Variants in RBMS3 observed in about 807,000 individuals in gnomAD.
RBMS3 encodes the protein RNA binding motif single stranded interacting protein 3.
RBMS3 carries 27 observed loss-of-function variants against 66.8 expected under a neutral mutation model. The observed-to-expected ratio is 0.40, with a 90% CI of 0.30 to 0.56. The LOEUF (loss-of-function observed/expected upper bound fraction) is 0.56, where lower values mean the gene tolerates loss of function less well. Among genes scored for constraint, RBMS3 ranks in the 20% least tolerant of loss-of-function variants. The probability of loss-of-function intolerance (pLI) is 0.40; values close to 1 mark genes in which losing one functional copy is unlikely to be tolerated. For synonymous variants in RBMS3, 188 were observed against 183.0 expected, an observed-to-expected ratio of 1.03 and a Z score of -0.22; for missense variants, 513 against 549.5, an observed-to-expected ratio of 0.93 and a Z score of 0.66.
chr3:29,631,141 T>G (rs1283223598), intron 4 of RBMS3, among the ~76,000 whole-genome samples: 1 of 151,982 alleles, frequency 6.6e-6, no homozygotes, highest in Non-Finnish European at 1.5e-5. Context: ...TTCTCCTAAT[T>G]GCATTATAAC....
chr3:29,741,317 A>G (rs79189016), intron 5 of RBMS3, among the ~76,000 whole-genome samples: 5,071 of 152,310 alleles, frequency 0.033, 108 homozygotes, highest in Non-Finnish European at 0.05. Context: ...TCAGGCTTTC[A>G]GGACATTGAC....
intron 10 of RBMS3, among the ~76,000 whole-genome samples, chr3:29,906,207 AG>A (rs1051594348): frequency 1.3e-5 from 2 of 151,982 alleles, no homozygotes; most frequent in Non-Finnish European, 2.9e-5. Context: ...TATATGTTTT[AG>A]TTTTTTGCTG....
At chr3:29,738,341 T>G (rs559831990) in intron 4 of RBMS3, among the ~76,000 whole-genome samples, 1 of 152,328 alleles carries the variant, frequency 6.6e-6, no homozygotes, top group South Asian at 2.1e-4. Context: ...AGCTAAGGTT[T>G]TTGTTTAGTT....
chr3:29,374,725 A>T (rs1447662531), intron 1 of RBMS3, among the ~76,000 whole-genome samples: 1 of 152,196 alleles, frequency 6.6e-6, no homozygotes, highest in Non-Finnish European at 1.5e-5. Context: ...ATTCATTGGG[A>T]TGTAACCTAA....
At chr3:29,380,009 A>G (rs1313840951) in intron 1 of RBMS3, among the ~76,000 whole-genome samples, 1 of 152,324 alleles carries the variant, frequency 6.6e-6, no homozygotes, top group Non-Finnish European at 1.5e-5. Flanking sequence ...TTTGCTTTGC[A>G]GAAACCTAGA....
chr3:29,813,813 T>C (rs920070410), intron 6 of RBMS3, among the ~76,000 whole-genome samples: 3 of 152,158 alleles, frequency 2.0e-5, no homozygotes, highest in Non-Finnish European at 2.9e-5. Flanking sequence ...ATGCTTGTGA[T>C]TTTTGTACAT....
intron 4 of RBMS3, among the ~76,000 whole-genome samples, chr3:29,608,540 A>G (rs1256343159): frequency 6.6e-6 from 1 of 152,038 alleles, no homozygotes; most frequent in Non-Finnish European, 1.5e-5. Flanking sequence ...CTGATAGTCT[A>G]TTATTTAGAT....
intron 7 of RBMS3, among the ~76,000 whole-genome samples, chr3:29,878,970 C>T (rs2059674178): frequency 6.6e-6 from 1 of 152,046 alleles, no homozygotes; most frequent in Non-Finnish European, 1.5e-5. Context: ...ATTGCTAGAG[C>T]CCAGGAGTTT....
intron 6 of RBMS3, among the ~76,000 whole-genome samples, chr3:29,820,211 A>ATTAGGTGG: frequency 5.9e-5 from 2 of 33,780 alleles, no homozygotes; most frequent in Non-Finnish European, 1.6e-4. Context: ...AAAAAAAAAA[A>ATTAGGTGG]AAAAAAAAAA....
At chr3:29,882,901 A>T (rs1281457846) in intron 7 of RBMS3, among the ~76,000 whole-genome samples, 1 of 152,056 alleles carries the variant, frequency 6.6e-6, no homozygotes, top group East Asian at 1.9e-4. Context: ...TATTTTGAAG[A>T]ATTTATAGAC....
At chr3:29,346,708 T>C (rs1241003127) in intron 1 of RBMS3, among the ~76,000 whole-genome samples, 2 of 152,160 alleles carry the variant, frequency 1.3e-5, no homozygotes, top group Non-Finnish European at 2.9e-5. Context: ...TTCATTCTTA[T>C]ATCTTCAGAA....
At chr3:29,865,564 T>C (rs550889674) in intron 6 of RBMS3, among the ~76,000 whole-genome samples, 2 of 152,294 alleles carry the variant, frequency 1.3e-5, no homozygotes, top group East Asian at 3.9e-4. Flanking sequence ...AATAAGCAAG[T>C]TGGTCTCTTT....
intron 3 of RBMS3, among the ~76,000 whole-genome samples, chr3:29,580,776 AT>A (rs2047302376): frequency 6.6e-6 from 1 of 151,880 alleles, no homozygotes; most frequent in Non-Finnish European, 1.5e-5. Flanking sequence ...CCAAAAGCTG[AT>A]GTCTTATTTT....
chr3:29,807,313 A>C (rs530368509), intron 6 of RBMS3, among the ~76,000 whole-genome samples: 4 of 152,090 alleles, frequency 2.6e-5, no homozygotes, highest in African/African-American at 9.6e-5. Context: ...AATCTTTTTC[A>C]GAATGAAGCA....
chr3:29,314,103 ATAGGCAAGAT>A (rs1022203082), intron 1 of RBMS3, among the ~76,000 whole-genome samples: 1 of 151,604 alleles, frequency 6.6e-6, no homozygotes, highest in African/African-American at 2.4e-5. Context: ...CATAATGATG[ATAGGCAAGAT>A]TATATATTCA....
intron 4 of RBMS3, among the ~76,000 whole-genome samples, chr3:29,611,143 A>C (rs1269637418): frequency 1.3e-5 from 2 of 152,020 alleles, no homozygotes; most frequent in African/African-American, 4.8e-5. Context: ...TGAAAACCCA[A>C]ATGCAGTTCA....
chr3:29,708,500 T>G (rs138316293), intron 4 of RBMS3, among the ~76,000 whole-genome samples: 1 of 152,346 alleles, frequency 6.6e-6, no homozygotes, highest in East Asian at 1.9e-4. Flanking sequence ...GAATTAGATC[T>G]TGTAAGAAAC....
chr3:29,416,089 G>T (rs1250374231), intron 1 of RBMS3, among the ~76,000 whole-genome samples: 3 of 152,138 alleles, frequency 2.0e-5, no homozygotes, highest in East Asian at 3.9e-4. Flanking sequence ...CAACTTTCTT[G>T]GTGCTCTCCC....
chr3:29,764,481 T>TC (rs1354997988), intron 6 of RBMS3, among the ~76,000 whole-genome samples: 3 of 152,008 alleles, frequency 2.0e-5, no homozygotes, highest in Admixed American at 2.0e-4. Context: ...CTCTTGTTTG[T>TC]CCTATTTCAT....
Sources: gnomAD v4.1 joint callset for allele counts (sites outside exome capture counted in the v4.1 genomes callset) on GRCh38, gnomAD v4.1.1 for gene constraint, MANE v1.5 for transcripts, NCBI Gene and HGNC (gene_info 2026-07-23, HGNC 2026-07-21) for gene names.